The following CEP83 variants were observed in gnomAD, a reference collection of about 807,000 sequenced individuals.
The protein encoded by CEP83 is centrosomal protein of 83 kDa.
In CEP83, 70 loss-of-function variants were observed where a neutral mutation model predicts 101.9. The observed-to-expected ratio is 0.69, with a 90% CI of 0.57 to 0.84. The LOEUF (loss-of-function observed/expected upper bound fraction) is 0.84, where lower values mean the gene tolerates loss of function less well. CEP83 is among the 40% of genes least tolerant of loss of function. The pLI, the probability that CEP83 is intolerant of heterozygous loss-of-function variation, is 0.00. For synonymous variants in CEP83, 264 were observed against 267.9 expected, an observed-to-expected ratio of 0.99 and a Z score of 0.14; for missense variants, 715 against 787.2, an observed-to-expected ratio of 0.91 and a Z score of 1.10.
rs2059332529 is a variant in CEP83, at chr12:94,333,650, A to G, written c.1420-11T>C. ...CAAACTACTGATTTGCTTAAAAGAG[A>G]AGAAAGAAGATAAATTAAAGCCCAC... is the stretch of plus-strand genomic sequence containing the variant. On this transcript the variant is annotated splice_polypyrimidine_tract_variant and intron_variant, in intron 12 of 16. Coordinates refer to ENST00000397809, the MANE Select transcript of CEP83 (RefSeq NM_016122.3). 6.2e-7 allele frequency: 1 copy of G among 1,608,320 alleles called. No individual in the cohort carries two copies. The highest frequency in any genetic ancestry group is 2.2e-5 in the East Asian group (1 of 44,786).
At chr12:94,394,686 G>A (rs932224521) in intron 6 of CEP83, among the ~76,000 whole-genome samples, 10 of 152,066 alleles carry the variant, frequency 6.6e-5, no homozygotes, top group African/African-American at 1.9e-4. Context: ...GAGTGAACAC[G>A]CAACCTACAG....
chr12:94,329,236 T>A (rs904431828), intron 14 of CEP83, among the ~76,000 whole-genome samples: 6 of 152,200 alleles, frequency 3.9e-5, no homozygotes, highest in African/African-American at 1.4e-4. Context: ...TAATGAAATG[T>A]TACTTTGTAG....
Position 94,378,790 on chromosome 12 carries a change from C to T in CEP83, c.801+1G>A. On this transcript the variant is annotated splice_donor_variant, in intron 7 of 16. Coordinates refer to ENST00000397809, the MANE Select transcript of CEP83 (RefSeq NM_016122.3). LOFTEE classifies it high-confidence loss of function. ...CTACTGGGAAGTAATTAGAATCTTACCTCCAGGGATCTGACTGTAGCCTGC... is the reference window on the plus strand; with the variant it reads ...CTACTGGGAAGTAATTAGAATCTTATCTCCAGGGATCTGACTGTAGCCTGC... 6.2e-7 allele frequency: 1 copy of T among 1,613,762 alleles called. No homozygotes were observed. Among genetic ancestry groups the T allele is most frequent in the Non-Finnish European group, 8.5e-7 (1 of 1,179,780 alleles).
intron 1 of CEP83, among the ~76,000 whole-genome samples, chr12:94,446,510 C>A (rs1594119966): frequency 6.6e-6 from 1 of 152,076 alleles, no homozygotes; most frequent in East Asian, 1.9e-4. Flanking sequence ...GAGATCGAGA[C>A]CATCCTGGCC....
At chr12:94,419,308 T>C (rs1203742156) in intron 2 of CEP83, among the ~76,000 whole-genome samples, 2 of 152,154 alleles carry the variant, frequency 1.3e-5, no homozygotes, top group East Asian at 3.9e-4. Flanking sequence ...GGTAAAAAGA[T>C]GTGCAAACTA....
intron 11 of CEP83, among the ~76,000 whole-genome samples, chr12:94,358,090 A>G (rs1173924671): frequency 1.3e-5 from 2 of 152,236 alleles, no homozygotes; most frequent in Non-Finnish European, 2.9e-5. Flanking sequence ...CACGTGGCCA[A>G]TTCAACCTGC....
chr12:94,373,032 T>A (rs1413703234), intron 8 of CEP83, among the ~76,000 whole-genome samples: 1 of 152,190 alleles, frequency 6.6e-6, no homozygotes, highest in East Asian at 1.9e-4. Context: ...TGAACCAAAT[T>A]CCAAATGTTA....
chr12:94,281,697 AG>A, the CEP83 span: 1 of 152,344 alleles, frequency 6.6e-6, no homozygotes, highest in African/African-American at 2.4e-5. Flanking sequence ...TTGGGATTAT[AG>A]GTCTGAGCTC....
Position 94,411,856 on chromosome 12 carries a change from T to G in CEP83, c.174-9A>C. 6.2e-7 allele frequency: 1 copy of G among 1,605,278 alleles called. No homozygotes were observed. Among genetic ancestry groups the G allele is most frequent in the Admixed American group, 1.7e-5 (1 of 58,968 alleles). On this transcript the variant is annotated splice_polypyrimidine_tract_variant and intron_variant, in intron 3 of 16. Coordinates refer to ENST00000397809, the MANE Select transcript of CEP83 (RefSeq NM_016122.3). ...CATGTTCATTCTGCAACCTGGTTTTTTTTAAAGAGAATTCAATTTTGAGTA... is the reference window on the plus strand; with the variant it reads ...CATGTTCATTCTGCAACCTGGTTTTGTTTAAAGAGAATTCAATTTTGAGTA...
the CEP83 span, among the ~76,000 whole-genome samples, chr12:94,270,597 C>T: frequency 2.6e-5 from 4 of 152,114 alleles, no homozygotes; most frequent in Non-Finnish European, 5.9e-5. Context: ...CACCCCCACC[C>T]CCAACCCTGC....
intron 8 of CEP83, among the ~76,000 whole-genome samples, chr12:94,371,328 T>C (rs188352458): frequency 3.3e-5 from 5 of 152,296 alleles, no homozygotes; most frequent in Admixed American, 3.3e-4. Flanking sequence ...GAAGAATCAA[T>C]TGAATCTGGT....
At chr12:94,291,309 C>G in the CEP83 span, among the ~76,000 whole-genome samples, 4 of 152,202 alleles carry the variant, frequency 2.6e-5, no homozygotes, top group African/African-American at 9.7e-5. Flanking sequence ...AATCGTGGCT[C>G]ACTGCACCCT....
intron 11 of CEP83, chr12:94,361,090 A>G (rs2060731303): frequency 6.6e-6 from 1 of 152,220 alleles, no homozygotes; most frequent in Non-Finnish European, 1.5e-5. Flanking sequence ...CTCATCATAT[A>G]TAAAAATCAA....
At chr12:94,271,831 T>C in the CEP83 span, among the ~76,000 whole-genome samples, 1 of 151,630 alleles carries the variant, frequency 6.6e-6, no homozygotes, top group African/African-American at 2.4e-5. Context: ...AGTATTCTTT[T>C]TGGTTGGTTA....
intron 14 of CEP83, among the ~76,000 whole-genome samples, chr12:94,329,452 G>A (rs919484877): frequency 6.6e-6 from 1 of 151,916 alleles, no homozygotes; most frequent in Non-Finnish European, 1.5e-5. Flanking sequence ...TTATAGAGAT[G>A]GGGTCTGGCT....
At chr12:94,416,969 C>T (rs2064322315) in intron 2 of CEP83, among the ~76,000 whole-genome samples, 1 of 152,004 alleles carries the variant, frequency 6.6e-6, no homozygotes, top group Non-Finnish European at 1.5e-5. Flanking sequence ...AAAGACCCCT[C>T]CCGCAACCCC....
intron 14 of CEP83, among the ~76,000 whole-genome samples, chr12:94,323,674 T>C (rs879217353): frequency 2.6e-5 from 4 of 152,134 alleles, no homozygotes; most frequent in African/African-American, 7.2e-5. Flanking sequence ...AGCCTCCCCC[T>C]CCATTTCTTT....
At chr12:94,305,594 C>A, downstream of CEP83, 1 of 267,046 alleles carries the variant, frequency 3.7e-6, no homozygotes, top group East Asian at 8.0e-5. Context: ...TCCACTTAAG[C>A]ACAATGATAT....
chr12:94,285,317 G>C, the CEP83 span, among the ~76,000 whole-genome samples: 87 of 152,204 alleles, frequency 5.7e-4, no homozygotes, highest in African/African-American at 1.9e-3. Flanking sequence ...GACTGTTCCC[G>C]AGCAGAGCTT....
Sources: gnomAD v4.1 joint callset for allele counts (sites outside exome capture counted in the v4.1 genomes callset) on GRCh38, gnomAD v4.1.1 for gene constraint, MANE v1.5 for transcripts, NCBI Gene and HGNC (gene_info 2026-07-23, HGNC 2026-07-21) for gene names.